The following VGLL4 variants were observed in gnomAD, a reference collection of about 807,000 sequenced individuals.
VGLL4 encodes vestigial like family member 4, also known as transcription cofactor vestigial-like protein 4.
In VGLL4, 7 loss-of-function variants were observed where a neutral mutation model predicts 21.0. The ratio of observed to expected loss-of-function variants is 0.33; its 90% confidence interval spans 0.19 to 0.63. VGLL4 has a LOEUF of 0.63. VGLL4 is among the 20% of genes least tolerant of loss of function. The pLI is 0.78. For synonymous variants in VGLL4, 222 were observed against 173.2 expected, an observed-to-expected ratio of 1.28 and a Z score of -2.21; for missense variants, 394 against 425.7, an observed-to-expected ratio of 0.93 and a Z score of 0.66.
intron 2 of VGLL4, among the ~76,000 whole-genome samples, chr3:11,594,913 G>A (rs1022648147): frequency 3.3e-5 from 5 of 152,384 alleles, no homozygotes; most frequent in Middle Eastern, 6.8e-3. Context: ...AGTAATCCCA[G>A]CACTTTGGGA....
rs2125153172 is a variant in VGLL4 at position 11,568,855 on chromosome 3, T to C, written c.273-3836A>G. 2.2e-6 allele frequency: 3 copies of C among 1,377,418 alleles called. No individual in the cohort carries two copies. Among genetic ancestry groups the C allele is most frequent in the Non-Finnish European group, 2.8e-6 (3 of 1,065,384 alleles). The allele number at this position is 1,377,418 out of a possible 1,614,324, so 85.3% of individuals were successfully genotyped here. A position where few individuals can be genotyped will look rare whatever the true frequency, so the allele number is the denominator to read the frequency against. On this transcript the variant is annotated intron_variant, in intron 2 of 4. Transcript: ENST00000430365. The surrounding 1 kb of genome is among the most constrained non-coding windows in gnomAD (Gnocchi z 5.9). ...ACTCTGAGTGGCTCCGTGCCAGGCC[T>C]ATCAGAGCCGCTGAGGCTGCACGGC...
At chr3:11,610,561 G>GGGGGAGCC (rs1464428778) in intron 1 of VGLL4, 1 of 152,256 alleles carries the variant, frequency 6.6e-6, no homozygotes, top group East Asian at 1.9e-4. Context: ...ACCTCGCCTC[G>GGGGGAGCC]GGGGAGCCGG....
intron 2 of VGLL4, among the ~76,000 whole-genome samples, chr3:11,652,664 G>A (rs539243927): frequency 3.3e-5 from 5 of 152,200 alleles, no homozygotes; most frequent in Non-Finnish European, 4.4e-5. Flanking sequence ...CAAGTGATCC[G>A]CCCATCTCAG....
At chr3:11,560,027 G>A (rs752556541) in intron 3 of VGLL4, among the ~76,000 whole-genome samples, 3 of 152,022 alleles carry the variant, frequency 2.0e-5, no homozygotes, top group Non-Finnish European at 4.4e-5. Flanking sequence ...AGCCCGATCT[G>A]CCCTGTGCAC....
At chr3:11,574,950 A>G (rs2073992281) in intron 2 of VGLL4, among the ~76,000 whole-genome samples, 1 of 152,086 alleles carries the variant, frequency 6.6e-6, no homozygotes. Flanking sequence ...CGGCCGAGTT[A>G]CCATCCAAAA....
chr3:11,714,051 CGG>C (rs2076886044), intron 1 of VGLL4, among the ~76,000 whole-genome samples: 1 of 152,136 alleles, frequency 6.6e-6, no homozygotes, highest in South Asian at 2.1e-4. Context: ...CAAAAATCCT[CGG>C]TTATTGTAAT....
intron 2 of VGLL4, among the ~76,000 whole-genome samples, chr3:11,682,284 A>T (rs1440179566): frequency 6.6e-6 from 1 of 151,974 alleles, no homozygotes; most frequent in Non-Finnish European, 1.5e-5. Flanking sequence ...GGGCACCTGT[A>T]ATCCCAGCTA....
chr3:11,703,413 A>G (rs2076711406), intron 1 of VGLL4, among the ~76,000 whole-genome samples: 1 of 152,242 alleles, frequency 6.6e-6, no homozygotes, highest in African/African-American at 2.4e-5. Context: ...CTGCTCTATG[A>G]ACACAGCATC....
intron 2 of VGLL4, among the ~76,000 whole-genome samples, chr3:11,674,495 T>C (rs1018327108): frequency 2.0e-5 from 3 of 152,168 alleles, no homozygotes; most frequent in African/African-American, 7.2e-5. Context: ...TTAGCTGCTA[T>C]TATGGGAATT....
intron 2 of VGLL4, among the ~76,000 whole-genome samples, chr3:11,689,526 T>C (rs894825354): frequency 3.9e-5 from 6 of 152,240 alleles, no homozygotes; most frequent in African/African-American, 1.4e-4. Context: ...AGATTCACTA[T>C]ACAGCAGCTC....
chr3:11,571,246 A>G (rs1373004141), intron 2 of VGLL4, among the ~76,000 whole-genome samples: 41 of 152,204 alleles, frequency 2.7e-4, no homozygotes, highest in Non-Finnish European at 1.2e-4. Flanking sequence ...TCTATGCGTC[A>G]GCAACTACTG....
intron 2 of VGLL4, among the ~76,000 whole-genome samples, chr3:11,567,306 A>G (rs2073583845): frequency 6.6e-6 from 1 of 151,766 alleles, no homozygotes; most frequent in African/African-American, 2.4e-5. Flanking sequence ...CGCCAAGAGA[A>G]CCCTGTCAGC....
Position 11,702,970 on chromosome 3 carries a change from C to T in VGLL4, c.64+1G>A, listed in dbSNP as rs1341557062. 3.2e-5 allele frequency: 51 copies of T among 1,610,756 alleles called. No individual in the cohort carries two copies. The highest frequency in any genetic ancestry group is 4.2e-5 in the Non-Finnish European group (49 of 1,178,264). On this transcript the variant is annotated splice_donor_variant, in intron 2 of 5. Transcript: ENST00000273038. LOFTEE classifies it high-confidence loss of function. ...TATTTTATAATAGACTCCTCACTTACGTTTTTCGTCATCAGCATGCACCAG... is the reference window on the plus strand; with the variant it reads ...TATTTTATAATAGACTCCTCACTTATGTTTTTCGTCATCAGCATGCACCAG...
At chr3:11,647,746 CTGGCAGA>C (rs2075813864), upstream of VGLL4, among the ~76,000 whole-genome samples, 1 of 27,912 alleles carries the variant, frequency 3.6e-5, no homozygotes, top group Admixed American at 4.0e-4. Flanking sequence ...CGAGGTCAGT[CTGGCAGA>C]AGTCTGGCAG....
chr3:11,707,786 G>T (rs549184180), intron 1 of VGLL4, among the ~76,000 whole-genome samples: 1 of 151,974 alleles, frequency 6.6e-6, no homozygotes, highest in Admixed American at 6.6e-5. Context: ...TTGAAGCCAG[G>T]AGGTCGATGC....
intron 2 of VGLL4, among the ~76,000 whole-genome samples, chr3:11,601,145 C>G (rs2074786050): frequency 6.6e-6 from 1 of 152,180 alleles, no homozygotes; most frequent in African/African-American, 2.4e-5. Context: ...TGACGTTGCA[C>G]AGATTCAGGG....
At chr3:11,712,164 A>C (rs941959062) in intron 1 of VGLL4, among the ~76,000 whole-genome samples, 13 of 152,176 alleles carry the variant, frequency 8.5e-5, no homozygotes, top group African/African-American at 3.1e-4. Flanking sequence ...AGCATCAGGA[A>C]GCCCAAGTTT....
chr3:11,688,372 T>G (rs941481061), intron 2 of VGLL4, among the ~76,000 whole-genome samples: 1 of 152,278 alleles, frequency 6.6e-6, no homozygotes, highest in African/African-American at 2.4e-5. Context: ...TTTGGTAAAA[T>G]TCACCTATAA....
At chr3:11,664,631 C>T (rs1028327646) in intron 2 of VGLL4, among the ~76,000 whole-genome samples, 1 of 152,160 alleles carries the variant, frequency 6.6e-6, no homozygotes, top group African/African-American at 2.4e-5. Context: ...TGGGACTGTG[C>T]AGTAAGGGGT....
Sources: allele counts gnomAD v4.1 joint callset (sites outside exome capture counted in the v4.1 genomes callset), GRCh38; gene constraint gnomAD v4.1.1; non-coding constraint Gnocchi (gnomAD v3.1); transcripts MANE v1.5; gene names NCBI Gene and HGNC (gene_info 2026-07-23, HGNC 2026-07-21).